Variants in CPD observed in about 807,000 individuals in gnomAD.
The protein encoded by CPD is metallocarboxypeptidase D.
CPD carries 69 observed loss-of-function variants against 138.3 expected under a neutral mutation model. The observed-to-expected ratio is 0.50, with a 90% CI of 0.41 to 0.61. The LOEUF (loss-of-function observed/expected upper bound fraction) is 0.61, where lower values mean the gene tolerates loss of function less well. Ranked by LOEUF, CPD falls within the 20% of genes least tolerant of loss-of-function variation. CPD has a pLI of 0.00. For missense variants in CPD, 1,432 were observed against 1,733.3 expected, an observed-to-expected ratio of 0.83 and a Z score of 3.09; for synonymous variants, 651 against 642.1, an observed-to-expected ratio of 1.01 and a Z score of -0.21.
At chr17:30,400,248 T>A (rs1911617033) in intron 2 of CPD, among the ~76,000 whole-genome samples, 1 of 152,204 alleles carries the variant, frequency 6.6e-6, no homozygotes, top group South Asian at 2.1e-4. Flanking sequence ...ATCTTTTAGT[T>A]GCTCTAGTAA....
intron 2 of CPD, among the ~76,000 whole-genome samples, chr17:30,402,148 C>T (rs1911691163): frequency 6.6e-6 from 1 of 151,896 alleles, no homozygotes; most frequent in Non-Finnish European, 1.5e-5. Context: ...TCCATTCTTC[C>T]ATTAAACCCA....
chr17:30,379,169 G>A lies in CPD; in HGVS notation c.189G>A (p.Glu63=), dbSNP rs1166363873. ...GQFDRYYHEE[E]LESALREAAA... ...TCGACCGCTACTACCACGAAGAGGA[G>A]TTGGAGTCGGCGCTGAGGGAGGCGG... The change falls in exon 1 of 21, where the codon GAG becomes GAA. Residue 63 remains glutamate, a synonymous_variant. Coordinates refer to ENST00000225719, the MANE Select transcript of CPD (RefSeq NM_001304.5). The surrounding 1 kb of genome is among the most constrained non-coding windows in gnomAD (Gnocchi z 7.0). 2.0e-6 allele frequency: 3 copies of A among 1,534,714 alleles called. No individual in the cohort carries two copies. Among genetic ancestry groups the A allele is most frequent in the East Asian group, 2.5e-5 (1 of 39,696 alleles).
chr17:30,468,123 C>T lies in CPD; in HGVS notation c.*3309C>T, dbSNP rs1913692993. ...TCATGAAGAAATCTCTCCCAATACC[C>T]ATTTATCCTATTTTTAGCAATAATT... On this transcript the variant is annotated 3_prime_UTR_variant, in exon 21 of 21. Coordinates refer to ENST00000225719, the MANE Select transcript of CPD (RefSeq NM_001304.5). 6.6e-6 allele frequency: 1 copy of T among 152,430 alleles called. No homozygotes were observed. Among genetic ancestry groups the T allele is most frequent in the Non-Finnish European group, 1.5e-5 (1 of 67,982 alleles). 9.4% of individuals were successfully genotyped at this position (152,430 alleles called of 1,614,324 possible).
At chr17:30,430,397 T>C (rs1912530828) in intron 7 of CPD, among the ~76,000 whole-genome samples, 3 of 152,168 alleles carry the variant, frequency 2.0e-5, no homozygotes, top group Admixed American at 2.0e-4. Flanking sequence ...CATGTGACCT[T>C]TCGTGTCTGG....
At chr17:30,444,746 T>C (rs953797743) in intron 11 of CPD, among the ~76,000 whole-genome samples, 1 of 152,096 alleles carries the variant, frequency 6.6e-6, no homozygotes, top group Non-Finnish European at 1.5e-5. Context: ...TTTTATCTTT[T>C]GATAAGTATA....
intron 6 of CPD, among the ~76,000 whole-genome samples, chr17:30,425,605 G>A (rs1473415157): frequency 6.7e-6 from 1 of 149,860 alleles, no homozygotes; most frequent in Non-Finnish European, 1.5e-5. Flanking sequence ...GCAGTGAGCC[G>A]AGATGGCGCC....
chr17:30,437,322 C>T (rs1181097972), intron 8 of CPD, among the ~76,000 whole-genome samples: 1 of 151,750 alleles, frequency 6.6e-6, no homozygotes, highest in East Asian at 1.9e-4. Flanking sequence ...ATTTTGAAAA[C>T]CTAAAGAAGA....
intron 8 of CPD, among the ~76,000 whole-genome samples, chr17:30,435,390 G>T (rs1912672099): frequency 6.6e-6 from 1 of 151,760 alleles, no homozygotes; most frequent in African/African-American, 2.4e-5. Context: ...AGAAAAGGAT[G>T]CCAAGACAAT....
Position 30,385,210 on chromosome 17 carries a change from A to G in CPD, c.968A>G (p.Asn323Ser). The part of the protein sequence containing the change: ...EDETFKDGIT[N>S]GAHWYDVEGG... ...GAGACTTTCAAAGATGGAATCACAA[A>G]CGGCGCACATTGGTATGATGTGGAA... The change falls in exon 2 of 21, where the codon AAC becomes AGC. Residue 323 changes from asparagine to serine, a missense_variant. Asn to Ser is a conservative substitution (Grantham distance 46). Coordinates refer to ENST00000225719, the MANE Select transcript of CPD (RefSeq NM_001304.5). The G allele has an allele frequency of 6.2e-7, 1 of 1,614,066 alleles. No individual in the cohort carries two copies. Among genetic ancestry groups the G allele is most frequent in the Non-Finnish European group, 8.5e-7 (1 of 1,179,936 alleles).
At chr17:30,394,492 T>G (rs1451860073) in intron 2 of CPD, among the ~76,000 whole-genome samples, 4 of 152,224 alleles carry the variant, frequency 2.6e-5, no homozygotes, top group African/African-American at 9.6e-5. Context: ...ATGTTGTTAA[T>G]AGTTTTTTTG....
At chr17:30,392,625 A>G (rs574641453) in intron 2 of CPD, among the ~76,000 whole-genome samples, 56 of 152,172 alleles carry the variant, frequency 3.7e-4, no homozygotes, top group Non-Finnish European at 6.3e-4. Context: ...CTCACAACCC[A>G]CTAATGCATG....
intron 2 of CPD, among the ~76,000 whole-genome samples, chr17:30,415,447 G>T (rs1275782440): frequency 6.6e-6 from 1 of 151,966 alleles, no homozygotes; most frequent in South Asian, 2.1e-4. Flanking sequence ...GAGTGAAAAG[G>T]CAGCCTACAG....
At chr17:30,460,548 C>T (rs186996317) in intron 17 of CPD, among the ~76,000 whole-genome samples, 52 of 152,174 alleles carry the variant, frequency 3.4e-4, no homozygotes, top group Non-Finnish European at 6.0e-4. Context: ...TGACAAGATT[C>T]AGCAAATTAT....
chr17:30,380,190 C>T (rs372575557), intron 1 of CPD: 1 of 168,038 alleles, frequency 6.0e-6, no homozygotes. Flanking sequence ...ATCAGTTTTG[C>T]ATACGGGGAA....
chr17:30,387,510 A>C (rs534211060), intron 2 of CPD, among the ~76,000 whole-genome samples: 7 of 152,226 alleles, frequency 4.6e-5, no homozygotes, highest in African/African-American at 1.7e-4. Context: ...TATGCTTTGA[A>C]TAATAACGTT....
intron 2 of CPD, among the ~76,000 whole-genome samples, chr17:30,385,533 A>T (rs1030237491): frequency 7.3e-6 from 1 of 137,016 alleles, no homozygotes; most frequent in Admixed American, 7.2e-5. Flanking sequence ...CACACACACA[A>T]TCACACAATT....
intron 2 of CPD, among the ~76,000 whole-genome samples, chr17:30,401,741 C>T (rs147042637): frequency 4.6e-5 from 7 of 152,266 alleles, no homozygotes; most frequent in Non-Finnish European, 8.8e-5. Context: ...CTGCCTCGGT[C>T]TCCCAAAATG....
intron 2 of CPD, among the ~76,000 whole-genome samples, chr17:30,405,590 T>C (rs1358425500): frequency 6.6e-6 from 1 of 152,188 alleles, no homozygotes; most frequent in Non-Finnish European, 1.5e-5. Flanking sequence ...CTTGATCATA[T>C]TCCAAATGCT....
chr17:30,459,098 C>T (rs911934704), intron 17 of CPD, among the ~76,000 whole-genome samples: 6 of 140,384 alleles, frequency 4.3e-5, no homozygotes, highest in Admixed American at 1.4e-4. Context: ...TTTCTGGACT[C>T]TCAATTCTAT....
Sources: allele counts gnomAD v4.1 joint callset (sites outside exome capture counted in the v4.1 genomes callset), GRCh38; gene constraint gnomAD v4.1.1; non-coding constraint Gnocchi (gnomAD v3.1); transcripts MANE v1.5; gene names NCBI Gene and HGNC (gene_info 2026-07-23, HGNC 2026-07-21).